The following ZFP2 variants were observed in gnomAD, a reference collection of about 807,000 sequenced individuals.
ZFP2 encodes the protein zinc finger protein ZFP2.
In ZFP2, 33 loss-of-function variants were observed where a neutral mutation model predicts 36.1. The observed-to-expected ratio is 0.92, with a 90% CI of 0.69 to 1.22. The LOEUF (loss-of-function observed/expected upper bound fraction) is 1.22. Ranked by LOEUF, ZFP2 falls within the 50% of genes most tolerant of loss-of-function variation. ZFP2 has a pLI of 0.00. For synonymous variants in ZFP2, 170 were observed against 178.0 expected (o/e 0.96, Z 0.36); for missense variants, 522 against 551.4 (o/e 0.95, Z 0.53).
At chr5:178,901,570 A>G (rs1294909958) in intron 1 of ZFP2, among the ~76,000 whole-genome samples, 1 of 151,922 alleles carries the variant, frequency 6.6e-6, no homozygotes, top group Non-Finnish European at 1.5e-5. Flanking sequence ...TTGTCATCTG[A>G]TGTTATCCTT....
In ZFP2 at chr5:178,922,643, T is replaced by G. The variant is rs1758580764; in HGVS notation, c.-78+5933T>G. 3 of 1,587,126 alleles carry G rather than the reference T, an allele frequency of 1.9e-6. 1 individual carries two copies. The highest frequency in any genetic ancestry group is 2.6e-6 in the Non-Finnish European group (3 of 1,159,122). On this transcript the variant is annotated intron_variant, in intron 4 of 4. Coordinates refer to ENST00000361362, the MANE Select transcript of ZFP2 (RefSeq NM_030613.4). ...TCTCCTGTACGCTTGGAGCGACCTT[T>G]GTCCACGTGGCTGGCCTTGTTATTT...
chr5:178,896,539 G>T lies in ZFP2; in HGVS notation c.-450+565G>T, dbSNP rs574383072. 2.0e-5 allele frequency among the ~76,000 whole-genome samples: 3 copies of T among 152,310 alleles called. No individual in the cohort carries two copies. In the East Asian group the frequency reaches 5.8e-4, roughly 29 times the overall value. On this transcript the variant is annotated intron_variant, in intron 1 of 4. Transcript: ENST00000361362. ...GATCTCATTCCGAGAGCGCTGGCGTGGGCTCCCCTCCCATCTCACAATAAG... is the reference window on the plus strand; with the variant it reads ...GATCTCATTCCGAGAGCGCTGGCGTTGGCTCCCCTCCCATCTCACAATAAG...
intron 4 of ZFP2, among the ~76,000 whole-genome samples, chr5:178,917,300 T>C (rs1475021367): frequency 6.6e-6 from 1 of 152,192 alleles, no homozygotes; most frequent in East Asian, 1.9e-4. Context: ...AGGAGCCTGC[T>C]GTCTGTGTTT....
chr5:178,898,815 C>A (rs1757990048), intron 1 of ZFP2, among the ~76,000 whole-genome samples: 6 of 152,240 alleles, frequency 3.9e-5, no homozygotes, highest in Admixed American at 3.9e-4. Context: ...ACCTCTGTTC[C>A]TAGCTGCCAC....
At chr5:178,905,810 G>A (rs947256450) in intron 1 of ZFP2, among the ~76,000 whole-genome samples, 3 of 151,474 alleles carry the variant, frequency 2.0e-5, no homozygotes, top group African/African-American at 7.3e-5. Context: ...GGACTACAGT[G>A]GTGTGATCTC....
chr5:178,910,611 T>C (rs1758276055), intron 1 of ZFP2: 2 of 433,642 alleles, frequency 4.6e-6, no homozygotes, highest in African/African-American at 2.0e-5. Context: ...CCCATGGTAC[T>C]GGTGTCCCGG....
At chr5:178,929,767 C>T (rs1758776981) in intron 4 of ZFP2, among the ~76,000 whole-genome samples, 1 of 152,146 alleles carries the variant, frequency 6.6e-6, no homozygotes, top group African/African-American at 2.4e-5. Flanking sequence ...AAGTCACCTC[C>T]ACATTTTCAG....
intron 4 of ZFP2, among the ~76,000 whole-genome samples, chr5:178,930,695 G>A (rs1758810169): frequency 6.6e-6 from 1 of 152,122 alleles, no homozygotes; most frequent in Non-Finnish European, 1.5e-5. Context: ...AGTTAAGATG[G>A]TGTTAAGAGC....
At position 178,931,808 on chromosome 5, in the gene ZFP2, A is replaced by C. The variant is rs1266798826; in HGVS notation, c.495A>C (p.Lys165Asn). The C allele has an allele frequency of 1.2e-6, 2 of 1,614,146 alleles. No individual in the cohort carries two copies. The highest frequency in any genetic ancestry group is 1.1e-5 in the South Asian group (1 of 91,082). ...CCTATAAATGTAATGAATGTGGGAA[A>C]GCCTTTAGTCAGAGCATGAATCTTA... ...EKPYKCNECG[K>N]AFSQSMNLTV... is the part of the protein sequence containing the mutation. The change falls in exon 5 of 5, where the codon AAA becomes AAC. Residue 165 changes from lysine (K) to asparagine (N), a missense_variant. By Grantham distance (94) the Lys-to-Asn change is moderately conservative. Transcript: ENST00000361362.
At chr5:178,925,570 T>G (rs947404890) in intron 4 of ZFP2, among the ~76,000 whole-genome samples, 3 of 149,652 alleles carry the variant, frequency 2.0e-5, no homozygotes, top group African/African-American at 7.3e-5. Context: ...TCAGTTTGAA[T>G]TTTTACATTT....
chr5:178,913,616 A>T (rs1416395879), intron 3 of ZFP2, among the ~76,000 whole-genome samples: 1 of 152,134 alleles, frequency 6.6e-6, no homozygotes, highest in Non-Finnish European at 1.5e-5. Context: ...TAGCAGCCTT[A>T]CATTGTGTAT....
intron 4 of ZFP2, among the ~76,000 whole-genome samples, chr5:178,917,839 G>GA (rs1356089364): frequency 1.3e-5 from 2 of 152,188 alleles, no homozygotes; most frequent in Non-Finnish European, 2.9e-5. Flanking sequence ...ATACTATAAT[G>GA]AATGTAGAAG....
At position 178,925,105 on chromosome 5, in the gene ZFP2, C is replaced by T. The variant is rs1457258266; in HGVS notation, c.-77-6132C>T. 4.1e-5 allele frequency among the ~76,000 whole-genome samples: 4 copies of T among 96,618 alleles called. No homozygotes were observed. The South Asian group carries it at 9.7e-4, about 23-fold the overall frequency. 63.4% of individuals were successfully genotyped at this position (96,618 alleles called of 152,430 possible). On this transcript the variant is annotated intron_variant, in intron 4 of 4. Transcript: ENST00000361362. The stretch of plus-strand genomic sequence containing the variant: ...TCTGTTTTAAAACTTTAAATTGAAT[C>T]TTTATATATATATATATATATACAC...
Position 178,931,806 on chromosome 5 carries a change from A to G in ZFP2, c.493A>G (p.Lys165Glu), listed in dbSNP as rs757448071. 7 of 1,614,150 alleles carry G rather than the reference A, an allele frequency of 4.3e-6. No homozygotes were observed. The highest frequency in any genetic ancestry group is 1.1e-5 in the South Asian group (1 of 91,078). Residue 165 changes from lysine (K) to glutamate (E), a missense_variant, in exon 5 of 5, where the codon AAA becomes GAA. By Grantham distance (56) the Lys-to-Glu change is moderately conservative (BLOSUM62 1). Transcript: ENST00000361362. ...ACCCTATAAATGTAATGAATGTGGG[A>G]AAGCCTTTAGTCAGAGCATGAATCT... ...EKPYKCNECG[K>E]AFSQSMNLTV... is the part of the protein sequence containing the mutation.
At position 178,931,785 on chromosome 5, in the gene ZFP2, T is replaced by G. The variant is rs1289529725; in HGVS notation, c.472T>G (p.Tyr158Asp). 2.5e-6 allele frequency: 4 copies of G among 1,614,112 alleles called. No homozygotes were observed. The highest frequency in any genetic ancestry group is 2.5e-6 in the Non-Finnish European group (3 of 1,180,008). The part of the protein sequence containing the change: ...HQRIHTGEKP[Y>D]KCNECGKAFS... ...AAGAATTCATACTGGAGAGAAACCC[T>G]ATAAATGTAATGAATGTGGGAAAGC... The change falls in exon 5 of 5, where the codon TAT becomes GAT. Residue 158 changes from tyrosine (Y) to aspartate (D), a missense_variant. By Grantham distance (160) the Tyr-to-Asp change is radical. Coordinates refer to ENST00000361362, the MANE Select transcript of ZFP2 (RefSeq NM_030613.4).
At chr5:178,900,813 C>T (rs533030223) in intron 1 of ZFP2, among the ~76,000 whole-genome samples, 1 of 149,178 alleles carries the variant, frequency 6.7e-6, no homozygotes, top group Admixed American at 6.7e-5. Context: ...TCCCCCACCC[C>T]AGCCAGACAG....
chr5:178,896,908 T>C (rs1256719730), intron 1 of ZFP2, among the ~76,000 whole-genome samples: 1 of 152,196 alleles, frequency 6.6e-6, no homozygotes, highest in Non-Finnish European at 1.5e-5. Flanking sequence ...GAAAAAAACA[T>C]TGGAATATGT....
At chr5:178,912,510 C>A in intron 1 of ZFP2, 74 bp from the exon 2 acceptor site, 1 of 263,218 alleles carries the variant, frequency 3.8e-6, no homozygotes, top group Non-Finnish European at 5.9e-6. Context: ...GATCTTTGTC[C>A]TTTCAGTGCT....
chr5:178,922,383 A>G, intron 4 of ZFP2: 1 of 1,167,346 alleles, frequency 8.6e-7, no homozygotes, highest in Non-Finnish European at 1.3e-6. Context: ...CCACTAATAG[A>G]GTTGGCATTG....
Sources: gnomAD v4.1 joint callset for allele counts (sites outside exome capture counted in the v4.1 genomes callset) on GRCh38, gnomAD v4.1.1 for gene constraint, MANE v1.5 for transcripts, NCBI Gene and HGNC (gene_info 2026-07-23, HGNC 2026-07-21) for gene names.